Variants in PLCG2 observed in about 807,000 individuals in gnomAD.
PLCG2 encodes the protein phospholipase C gamma 2.
A neutral mutation model predicts 175.6 loss-of-function variants in PLCG2; 69 were observed. The observed-to-expected ratio is 0.39, with a 90% CI of 0.32 to 0.48. The LOEUF is 0.48. Among genes scored for constraint, PLCG2 ranks in the 20% least tolerant of loss-of-function variants. The pLI, the probability that PLCG2 is intolerant of heterozygous loss-of-function variation, is 0.91. For missense variants in PLCG2, 1,798 were observed against 1,650.9 expected (o/e 1.09, Z -1.54); for synonymous variants, 827 against 624.0 (o/e 1.33, Z -4.85).
chr16:81,818,009 G>A (rs1463471808), intron 2 of PLCG2, among the ~76,000 whole-genome samples: 2 of 152,224 alleles, frequency 1.3e-5, no homozygotes, highest in Non-Finnish European at 2.9e-5. Flanking sequence ...AGACCTGGTT[G>A]TCATCTACTC....
intron 3 of PLCG2, among the ~76,000 whole-genome samples, chr16:81,855,565 G>A (rs1275351111): frequency 6.6e-6 from 1 of 152,210 alleles, no homozygotes; most frequent in Non-Finnish European, 1.5e-5. Flanking sequence ...GTTAGGTTGT[G>A]TACATGCCAG....
intron 2 of PLCG2, among the ~76,000 whole-genome samples, chr16:81,799,898 TTAAC>T (rs1439606011): frequency 6.6e-6 from 1 of 152,228 alleles, no homozygotes; most frequent in African/African-American, 2.4e-5. Flanking sequence ...CAGCCTGTTA[TTAAC>T]TATTTTAAAT....
At chr16:81,899,528 A>C (rs771591448) in intron 13 of PLCG2, among the ~76,000 whole-genome samples, 5 of 152,170 alleles carry the variant, frequency 3.3e-5, no homozygotes, top group South Asian at 2.1e-4. Flanking sequence ...TGCGATGCAC[A>C]CGTGTTCAGC....
intron 31 of PLCG2, among the ~76,000 whole-genome samples, chr16:81,947,754 C>G (rs1204305543): frequency 1.3e-5 from 2 of 152,188 alleles, no homozygotes; most frequent in African/African-American, 4.8e-5. Flanking sequence ...ACTTTGCTAG[C>G]AGTATGTTTG....
At chr16:81,869,000 G>T (rs1248041705) in intron 5 of PLCG2, among the ~76,000 whole-genome samples, 1 of 152,246 alleles carries the variant, frequency 6.6e-6, no homozygotes, top group Non-Finnish European at 1.5e-5. Context: ...AGTCTGCTAT[G>T]TGACCCATGT....
At chr16:81,938,971 G>C in intron 29 of PLCG2, 56 bp downstream of exon 29, 2 of 974,456 alleles carry the variant, frequency 2.1e-6, no homozygotes, top group Middle Eastern at 2.1e-4. Flanking sequence ...TGAATCCTTT[G>C]TGGGAGTGCT....
chr16:81,885,331 A>AG (rs1555516295), intron 9 of PLCG2, among the ~76,000 whole-genome samples: 2 of 151,822 alleles, frequency 1.3e-5, no homozygotes, highest in Non-Finnish European at 2.9e-5. Context: ...GCCCCGACTA[A>AG]TTTTGTATCT....
intron 7 of PLCG2, among the ~76,000 whole-genome samples, chr16:81,871,656 A>G (rs1478332147): frequency 6.6e-6 from 1 of 152,080 alleles, no homozygotes; most frequent in Non-Finnish European, 1.5e-5. Context: ...ACTTTTATTC[A>G]TATTTTTTAT....
rs183528336 is a variant in PLCG2 at position 81,917,572 on chromosome 16, G to T, written c.2055-1912G>T. On this transcript the variant is annotated intron_variant, in intron 19 of 32. Transcript: ENST00000564138. ...ACCAGCACTTCTCCTTTAGCTAATA[G>T]CCATTCTAACAGGTGTGAGGTGACA... 1.2e-4 allele frequency among the ~76,000 whole-genome samples: 19 copies of T among 152,252 alleles called. No individual in the cohort carries two copies. The East Asian group carries it at 3.3e-3, about 26-fold the overall frequency.
At chr16:81,921,130 C>A in intron 20 of PLCG2, 68 bp from the exon 21 acceptor site, 1 of 967,626 alleles carries the variant, frequency 1.0e-6, no homozygotes, top group Non-Finnish European at 1.7e-6. Context: ...GCCTAGAACC[C>A]TTGTTATATG....
intron 30 of PLCG2, among the ~76,000 whole-genome samples, chr16:81,942,536 ATTAGAGATGCAC>A (rs1910987229): frequency 6.6e-6 from 1 of 152,232 alleles, no homozygotes; most frequent in South Asian, 2.1e-4. Flanking sequence ...ACCCATTGTC[ATTAGAGATGCAC>A]TGAAGCTTTT....
intron 2 of PLCG2, among the ~76,000 whole-genome samples, chr16:81,764,337 C>A (rs1320990294): frequency 6.6e-6 from 1 of 152,054 alleles, no homozygotes; most frequent in Non-Finnish European, 1.5e-5. Context: ...TGAAAAGTTA[C>A]AAAGATCTGG....
intron 14 of PLCG2, among the ~76,000 whole-genome samples, chr16:81,903,064 A>G (rs767791960): frequency 1.3e-5 from 2 of 152,186 alleles, no homozygotes; most frequent in Non-Finnish European, 2.9e-5. Context: ...GCCAAACCAT[A>G]TTACCTTCCA....
At chr16:81,894,395 C>A (rs1387128054) in intron 12 of PLCG2, among the ~76,000 whole-genome samples, 1 of 152,220 alleles carries the variant, frequency 6.6e-6, no homozygotes, top group Non-Finnish European at 1.5e-5. Context: ...TGCCACTGCA[C>A]TCTAGCCTGG....
chr16:81,756,195 A>C (rs1909923024), intron 2 of PLCG2, among the ~76,000 whole-genome samples: 1 of 152,220 alleles, frequency 6.6e-6, no homozygotes, highest in Non-Finnish European at 1.5e-5. Context: ...ACCGTCGGGG[A>C]GGCCCAATGG....
Position 81,902,277 on chromosome 16 carries a change from T to G in PLCG2, c.1362+1497T>G, listed in dbSNP as rs191621653. On this transcript the variant is annotated intron_variant, in intron 14 of 32. Coordinates refer to ENST00000564138, the MANE Select transcript of PLCG2 (RefSeq NM_002661.5). ...GACAAACAGCTGTTTCCTAGGTATT[T>G]CAGTCTGTTCCTGCAGCTATCACAA... 5.5e-4 allele frequency among the ~76,000 whole-genome samples: 84 copies of G among 152,306 alleles called. 1 individual carries two copies. Among genetic ancestry groups the G allele is most frequent in the African/African-American group, 1.9e-3 (77 of 41,578 alleles).
chr16:81,935,883 T>G, intron 26 of PLCG2: 1 of 985,290 alleles, frequency 1.0e-6, no homozygotes, highest in African/African-American at 1.7e-5. Flanking sequence ...CACTTTTGTG[T>G]TTTCTTGTTC....
At chr16:81,952,368 C>A (rs999360881) in intron 31 of PLCG2, among the ~76,000 whole-genome samples, 2 of 152,126 alleles carry the variant, frequency 1.3e-5, no homozygotes, top group African/African-American at 2.4e-5. Context: ...GAACTTATGA[C>A]ACCCCAGTCA....
chr16:81,807,352 G>C (rs1327198484), intron 2 of PLCG2, among the ~76,000 whole-genome samples: 5 of 152,144 alleles, frequency 3.3e-5, no homozygotes, highest in African/African-American at 9.7e-5. Flanking sequence ...TGAGGAGGAT[G>C]GGCTTCTCAG....
Sources: gnomAD v4.1 joint callset for allele counts (sites outside exome capture counted in the v4.1 genomes callset) on GRCh38, gnomAD v4.1.1 for gene constraint, MANE v1.5 for transcripts, NCBI Gene and HGNC (gene_info 2026-07-23, HGNC 2026-07-21) for gene names.